The following ATP6AP1 variants were observed in gnomAD, a reference collection of about 807,000 sequenced individuals.
The protein encoded by ATP6AP1 is V-type proton ATPase subunit S1.
ATP6AP1 carries 1 observed loss-of-function variant against 32.0 expected under a neutral mutation model. The ratio of observed to expected loss-of-function variants is 0.03; its 90% CI spans 0.01 to 0.15. The LOEUF (loss-of-function observed/expected upper bound fraction) is 0.15, where lower values mean the gene tolerates loss of function less well. Ranked by LOEUF, ATP6AP1 falls within the 10% of genes least tolerant of loss-of-function variation. ATP6AP1 has a pLI of 1.00. For missense variants in ATP6AP1, 297 were observed against 398.8 expected, an observed-to-expected ratio of 0.74 and a Z score of 2.17; for synonymous variants, 187 against 174.9, an observed-to-expected ratio of 1.07 and a Z score of -0.55.
chrX:154,430,066 G>A (rs1188461352), intron 2 of ATP6AP1: 1 of 111,276 alleles, frequency 9.0e-6, no homozygotes, highest in Non-Finnish European at 1.9e-5. Flanking sequence ...TCTGTAAAAT[G>A]AAGACACCAC....
chrX:154,433,485 T>G, intron 5 of ATP6AP1, 150 bp from the exon 6 acceptor site: 1 of 565,452 alleles, frequency 1.8e-6, no homozygotes, highest in Non-Finnish European at 3.0e-6. Context: ...GGGGGTGGGA[T>G]GAGAAGTAGC....
At chrX:154,433,058 C>T in intron 5 of ATP6AP1, 87 bp downstream of exon 5, 1 of 1,090,836 alleles carries the variant, frequency 9.2e-7, no homozygotes, top group Non-Finnish European at 1.3e-6. Flanking sequence ...CCTCGGCCTC[C>T]TCACTCCCAG....
chrX:154,435,960 C>T lies in ATP6AP1; in HGVS notation c.*69C>T, dbSNP rs1265188797. 6.8e-6 allele frequency: 7 copies of T among 1,027,394 alleles called. No individual in the cohort carries two copies. Among genetic ancestry groups the T allele is most frequent in the Non-Finnish European group, 6.8e-6 (5 of 737,609 alleles). The allele number at this position is 1,027,394 out of a possible 1,213,427, so 84.7% of individuals were successfully genotyped here. A position where few individuals can be genotyped will look rare whatever the true frequency, so the allele number is the denominator to read the frequency against. On this transcript the variant is annotated 3_prime_UTR_variant, in exon 10 of 10. Coordinates refer to ENST00000369762, the MANE Select transcript of ATP6AP1 (RefSeq NM_001183.6). Reference sequence around the variant, plus strand: ...TGTTGCTTTCCCACCCTGCAGCGCACTGGACTGAAGAGCTTCCCTCTTCCT... The same window carrying T: ...TGTTGCTTTCCCACCCTGCAGCGCATTGGACTGAAGAGCTTCCCTCTTCCT...
At chrX:154,432,139 G>T in intron 3 of ATP6AP1, 127 bp from the exon 4 acceptor site, 1 of 739,062 alleles carries the variant, frequency 1.4e-6, no homozygotes, top group East Asian at 3.4e-5. Context: ...CTGGGGTGTG[G>T]GCCATTTTCT....
intron 5 of ATP6AP1, 135 bp downstream of exon 5, chrX:154,433,106 G>T: frequency 1.3e-6 from 1 of 756,110 alleles, no homozygotes; most frequent in Non-Finnish European, 1.9e-6. Context: ...TGGCAGTGGA[G>T]CAGGGAAATG....
rs782496217 is a variant in ATP6AP1 at position 154,428,809 on chromosome X, A to G, written c.117A>G (p.Ala39=). The change falls in exon 1 of 10, where the codon GCA becomes GCG. Residue 39 remains alanine, a synonymous_variant. Transcript: ENST00000369762. ...CGTTGGCGGCGGCGGCGGCGGCGGC[A>G]GCGGCGGAGCAGCAGGTCCCGCTGG... ...FLSLAAAAAA[A]AAEQQVPLVL... 1.1e-5 allele frequency: 12 copies of G among 1,107,006 alleles called. No individual in the cohort carries two copies. The highest frequency in any genetic ancestry group is 2.2e-5 in the African/African-American group (1 of 44,489). The allele number at this position is 1,107,006 out of a possible 1,213,427, so 91.2% of individuals were successfully genotyped here. A position where few individuals can be genotyped will look rare whatever the true frequency, so the allele number is the denominator to read the frequency against.
intron 2 of ATP6AP1, 120 bp from the exon 3 acceptor site, chrX:154,431,710 A>T: frequency 1.6e-6 from 1 of 643,888 alleles, no homozygotes; most frequent in Non-Finnish European, 2.5e-6. Context: ...CACCATACTG[A>T]ACCTGACTCT....
rs141473098 is a variant in ATP6AP1 at position 154,433,992 on chromosome X, G to A, written c.685-216G>A. Among the ~76,000 whole-genome samples the A allele has an allele frequency of 3.3e-4, 37 of 111,780 alleles. No individual in the cohort carries two copies. In the East Asian group the frequency reaches 0.01, roughly 31 times the overall value. ...TGTGGGTGGCAGACTTGGACACTAA[G>A]TCTAAATGACCCTAAGTTTGAGGGA... On this transcript the variant is annotated intron_variant, in intron 6 of 9. Coordinates refer to ENST00000369762, the MANE Select transcript of ATP6AP1 (RefSeq NM_001183.6).
chrX:154,434,720 C>T (rs782354167), intron 7 of ATP6AP1, among the ~76,000 whole-genome samples: 1 of 112,036 alleles, frequency 8.9e-6, no homozygotes, highest in East Asian at 2.8e-4. Context: ...GGGAACCTGT[C>T]ACCTCCCCCT....
At position 154,432,796 on chromosome X, in the gene ATP6AP1, G is replaced by C. The variant is rs782783775; in HGVS notation, c.558-135G>C. The C allele has an allele frequency of 9.9e-5, 76 of 766,139 alleles. 1 individual carries two copies. The South Asian group carries it at 1.7e-3, about 17-fold the overall frequency. 63.1% of individuals were successfully genotyped at this position (766,139 alleles called of 1,213,427 possible). A position where few individuals can be genotyped will look rare whatever the true frequency, so the allele number is the denominator to read the frequency against. On this transcript the variant is annotated intron_variant, in intron 4 of 9. Coordinates refer to ENST00000369762, the MANE Select transcript of ATP6AP1 (RefSeq NM_001183.6). ...CTCGGGGTGGGATGGGCTTCCAGGA[G>C]GGGGCACTGAGGTAAGAGTGTGCAG...
intron 2 of ATP6AP1, chrX:154,430,928 T>C (rs1421680540): frequency 9.0e-6 from 1 of 111,040 alleles, no homozygotes; most frequent in East Asian, 2.8e-4. Context: ...GGTTTGCAGG[T>C]GGCTAGGCGA....
chrX:154,432,248 C>A lies in ATP6AP1; in HGVS notation c.364-18C>A, dbSNP rs782785171. On this transcript the variant is annotated intron_variant, in intron 3 of 9. Transcript: ENST00000369762. ...TGGCCCCTGGCTAACTCACCTTTTG[C>A]CTCTCCCCTGTCCCCAGAATGCCCT... The A allele has an allele frequency of 5.1e-6, 6 of 1,179,269 alleles. No individual in the cohort carries two copies. In the East Asian group the frequency reaches 1.5e-4, roughly 29 times the overall value.
At position 154,432,971 on chromosome X, in the gene ATP6AP1, G is replaced by A. The variant is rs1557197087; in HGVS notation, c.598G>A (p.Asp200Asn). The A allele has an allele frequency of 5.8e-6, 7 of 1,211,096 alleles. No individual in the cohort carries two copies. Among genetic ancestry groups the A allele is most frequent in the Non-Finnish European group, 7.8e-6 (7 of 894,785 alleles). ...ACCCAGGGAAGTCCTCACAGGCAACGGTGAGTAGAATCAGGGAGGATGCAC... is the reference window on the plus strand; with the variant it reads ...ACCCAGGGAAGTCCTCACAGGCAACAGTGAGTAGAATCAGGGAGGATGCAC... ...MAPREVLTGN[D>N]EVIGQVLSTL... The change falls in exon 5 of 10, where the codon GAT becomes AAT. Residue 200 changes from aspartate (D) to asparagine (N), a missense_variant and splice_region_variant. By Grantham distance (23) the Asp-to-Asn change is conservative. This residue lies in a region of ATP6AP1 where 155 missense variants were observed against 253.8 expected (regional missense o/e 0.61). Transcript: ENST00000369762.
chrX:154,431,786 C>G (rs371660875), intron 2 of ATP6AP1, 44 bp from the exon 3 acceptor site: 17 of 1,181,475 alleles, frequency 1.4e-5, no homozygotes, highest in Admixed American at 2.2e-5. Context: ...TGGCCCCCAT[C>G]ACTTGCCAAA....
intron 2 of ATP6AP1, 86 bp from the exon 3 acceptor site, chrX:154,431,744 G>C: frequency 1.1e-6 from 1 of 944,498 alleles, no homozygotes; most frequent in Non-Finnish European, 1.5e-6. Flanking sequence ...CTGGCCCTGA[G>C]AATGCACGGG....
chrX:154,435,292 C>T lies in ATP6AP1; in HGVS notation c.990C>T (p.Arg330=). 8.3e-7 allele frequency: 1 copy of T among 1,211,969 alleles called. No individual in the cohort carries two copies. Among genetic ancestry groups the T allele is most frequent in the Non-Finnish European group, 1.1e-6 (1 of 895,512 alleles). Residue 330 remains arginine (R), a synonymous_variant, in exon 9 of 10, where the codon CGC becomes CGT. Transcript: ENST00000369762. ...TVTFKFILAN[R]LYPVSARHWF... ...TCCCCAGGTTCATTCTGGCCAACCG[C>T]CTCTACCCAGTGTCTGCCCGGCACT...
At chrX:154,431,991 G>A in intron 3 of ATP6AP1, 87 bp downstream of exon 3, 1 of 1,005,859 alleles carries the variant, frequency 9.9e-7, no homozygotes, top group Non-Finnish European at 1.4e-6. Flanking sequence ...CCTCATATCA[G>A]GGTTACTTGG....
rs201948461 is a variant in ATP6AP1, at chrX:154,429,001, G to C, written c.162-47G>C. On this transcript the variant is annotated intron_variant, in intron 1 of 9. Coordinates refer to ENST00000369762, the MANE Select transcript of ATP6AP1 (RefSeq NM_001183.6). ...CGAATCTGCCGGCGACAGAGCTCCA[G>C]TCCACATGCGCCCCCGTCTGACAGC... 227 of 1,197,852 alleles carry C rather than the reference G, an allele frequency of 1.9e-4. No homozygotes were observed. The African/African-American group carries it at 3.7e-3, about 19-fold the overall frequency.
chrX:154,432,213 C>A (rs2068697234), intron 3 of ATP6AP1, 53 bp from the exon 4 acceptor site: 1 of 1,096,181 alleles, frequency 9.1e-7, no homozygotes, highest in Non-Finnish European at 1.2e-6. Flanking sequence ...GGGGGCTGGG[C>A]CAGGCCCACT....
Sources: gnomAD v4.1 joint callset for allele counts (sites outside exome capture counted in the v4.1 genomes callset) on GRCh38, gnomAD v4.1.1 for gene constraint, gnomAD v4.1.1 regional missense constraint, MANE v1.5 for transcripts, NCBI Gene and HGNC (gene_info 2026-07-23, HGNC 2026-07-21) for gene names.